RORB: variants seen among roughly 807,000 people sequenced by gnomAD.
RORB encodes the protein nuclear receptor ROR-beta.
In RORB, 6 loss-of-function variants were observed where a neutral mutation model predicts 59.1. The ratio of observed to expected loss-of-function variants is 0.10; its 90% CI spans 0.06 to 0.20. RORB has a LOEUF of 0.20. Among genes scored for constraint, RORB ranks in the 10% least tolerant of loss-of-function variants. The pLI is 1.00. For synonymous variants in RORB, 215 were observed against 204.5 expected (o/e 1.05, Z -0.44); for missense variants, 320 against 560.5 (o/e 0.57, Z 4.33).
intron 1 of RORB, among the ~76,000 whole-genome samples, chr9:74,620,378 C>T (rs1318904413): frequency 1.3e-5 from 2 of 152,108 alleles, no homozygotes; most frequent in Non-Finnish European, 2.9e-5. Flanking sequence ...TCTGTGGGAT[C>T]GGTGGTGATA....
intron 1 of RORB, among the ~76,000 whole-genome samples, chr9:74,536,742 A>G (rs542074827): frequency 6.6e-6 from 1 of 152,166 alleles, no homozygotes; most frequent in Non-Finnish European, 1.5e-5. Context: ...AAAATGTAAG[A>G]AATACAAAAA....
chr9:74,610,428 C>T lies in RORB; in HGVS notation c.8-19854C>T, dbSNP rs529142993. Among the ~76,000 whole-genome samples, 3 of 152,260 alleles carry T rather than the reference C, an allele frequency of 2.0e-5. No individual in the cohort carries two copies. In the South Asian group the frequency reaches 6.2e-4, roughly 32 times the overall value. On this transcript the variant is annotated intron_variant, in intron 1 of 9. Coordinates refer to ENST00000376896, the MANE Select transcript of RORB (RefSeq NM_006914.4). ...TTTCTATTCTCCACTAAAATAGTAT[C>T]CTAGTAATGGTTCAAAGTTATTGAA...
intron 9 of RORB, among the ~76,000 whole-genome samples, chr9:74,683,292 G>A (rs1266892497): frequency 1.3e-5 from 2 of 152,294 alleles, no homozygotes; most frequent in South Asian, 2.1e-4. Flanking sequence ...CCTTCTGTGT[G>A]AGCCAGCTGG....
intron 2 of RORB, among the ~76,000 whole-genome samples, chr9:74,633,363 G>A (rs1823650765): frequency 1.3e-5 from 2 of 152,168 alleles, no homozygotes; most frequent in Non-Finnish European, 2.9e-5. Context: ...AGGGAAGTCA[G>A]GGGATCTATT....
intron 1 of RORB, among the ~76,000 whole-genome samples, chr9:74,564,530 A>G (rs893355848): frequency 1.3e-5 from 2 of 152,232 alleles, no homozygotes; most frequent in Non-Finnish European, 2.9e-5. Context: ...TAGATTGCTG[A>G]AAAGCATTGT....
At chr9:74,676,722 T>A (rs1824449014) in intron 9 of RORB, among the ~76,000 whole-genome samples, 1 of 152,258 alleles carries the variant, frequency 6.6e-6, no homozygotes, top group Admixed American at 6.5e-5. Flanking sequence ...TCTTTCTTCG[T>A]ATTTCTGGCT....
At chr9:74,640,433 C>G (rs918005128) in intron 3 of RORB, among the ~76,000 whole-genome samples, 2 of 148,330 alleles carry the variant, frequency 1.3e-5, no homozygotes, top group East Asian at 2.0e-4. Context: ...TCGGCTAATT[C>G]TGTGTGTGTG....
At position 74,661,253 on chromosome 9, in the gene RORB, T is replaced by A. The variant is rs185269653; in HGVS notation, c.759+515T>A. On this transcript the variant is annotated intron_variant, in intron 5 of 9. Transcript: ENST00000376896. ...ATTACACTGTGTCATTTCTTTGGGT[T>A]TGTTGAAGAAGTTTTTAAGAGGAAT... Among the ~76,000 whole-genome samples the A allele has an allele frequency of 6.9e-4, 105 of 152,348 alleles. 1 individual carries two copies. The highest frequency in any genetic ancestry group is 1.3e-3 in the Non-Finnish European group (87 of 68,036).
At chr9:74,652,036 T>A (rs1189954006) in intron 4 of RORB, among the ~76,000 whole-genome samples, 1 of 152,248 alleles carries the variant, frequency 6.6e-6, no homozygotes, top group Non-Finnish European at 1.5e-5. Flanking sequence ...CTTGTAATTT[T>A]TTCCCTGCTT....
chr9:74,499,870 C>A lies in RORB; in HGVS notation c.7+1887C>A, dbSNP rs553496051. Among the ~76,000 whole-genome samples the A allele has an allele frequency of 2.0e-5, 3 of 152,264 alleles. No homozygotes were observed. The South Asian group carries it at 6.2e-4, about 32-fold the overall frequency. On this transcript the variant is annotated intron_variant, in intron 1 of 9. Coordinates refer to ENST00000376896, the MANE Select transcript of RORB (RefSeq NM_006914.4). ...CGTCGTAAACTATGCGCCACCTCAGCTCGGACCCAGCACTAGGACCTAGGG... is the reference window on the plus strand; with the variant it reads ...CGTCGTAAACTATGCGCCACCTCAGATCGGACCCAGCACTAGGACCTAGGG...
chr9:74,616,619 A>G (rs909576521), intron 1 of RORB, among the ~76,000 whole-genome samples: 19 of 152,182 alleles, frequency 1.2e-4, no homozygotes, highest in African/African-American at 4.1e-4. Context: ...TACTCAGGAT[A>G]TTGTTGCTGC....
At chr9:74,657,683 G>T (rs1245274097) in intron 4 of RORB, among the ~76,000 whole-genome samples, 1 of 152,078 alleles carries the variant, frequency 6.6e-6, no homozygotes, top group African/African-American at 2.4e-5. Flanking sequence ...ATCATGACAT[G>T]AAATTATATT....
At chr9:74,677,817 T>C (rs752196482) in intron 9 of RORB, among the ~76,000 whole-genome samples, 4 of 152,232 alleles carry the variant, frequency 2.6e-5, no homozygotes, top group Non-Finnish European at 4.4e-5. Context: ...AGCTTTCATA[T>C]TGCAAAAGAA....
intron 1 of RORB, among the ~76,000 whole-genome samples, chr9:74,564,615 T>C (rs1822443297): frequency 6.6e-6 from 1 of 152,234 alleles, no homozygotes; most frequent in Admixed American, 6.5e-5. Flanking sequence ...CATTACTTTG[T>C]ATAGCCGACT....
intron 1 of RORB, among the ~76,000 whole-genome samples, chr9:74,599,442 A>G (rs1823021674): frequency 6.6e-6 from 1 of 152,194 alleles, no homozygotes; most frequent in African/African-American, 2.4e-5. Flanking sequence ...ACAAGCCCAC[A>G]GATTTTCTGA....
intron 9 of RORB, among the ~76,000 whole-genome samples, chr9:74,679,653 G>A (rs920049486): frequency 5.3e-5 from 8 of 152,144 alleles, no homozygotes; most frequent in Non-Finnish European, 1.0e-4. Context: ...GAACTCCACT[G>A]AGAAGCTAGA....
intron 4 of RORB, among the ~76,000 whole-genome samples, chr9:74,644,845 C>T (rs933519504): frequency 6.6e-6 from 1 of 151,994 alleles, no homozygotes; most frequent in Non-Finnish European, 1.5e-5. Context: ...ATTTAGCAAC[C>T]ACATTAAATA....
At chr9:74,511,188 T>C (rs1276066090) in intron 1 of RORB, among the ~76,000 whole-genome samples, 1 of 152,172 alleles carries the variant, frequency 6.6e-6, no homozygotes, top group Admixed American at 6.6e-5. Flanking sequence ...TCAATATACG[T>C]CACTGGCATT....
Position 74,541,279 on chromosome 9 carries a change from C to CAAAAAAAAAAAAAAA in RORB, c.7+43309_7+43323dup. 9.0e-4 allele frequency among the ~76,000 whole-genome samples: 39 copies of CAAAAAAAAAAAAAAA among 43,572 alleles called. 1 individual carries two copies. The highest frequency in any genetic ancestry group is 2.7e-3 in the African/African-American group (17 of 6,256). 28.6% of individuals were successfully genotyped at this position (43,572 alleles called of 152,430 possible). A position where few individuals can be genotyped will look rare whatever the true frequency, so the allele number is the denominator to read the frequency against. On this transcript the variant is annotated intron_variant, in intron 1 of 9. Transcript: ENST00000376896. Reference sequence around the variant, plus strand: ...TGGGCAACAGAAAGAGACTCCATCTCAAAAAAAAAAAAAAAAAAAAAAAAA... The same window carrying CAAAAAAAAAAAAAAA: ...TGGGCAACAGAAAGAGACTCCATCTCAAAAAAAAAAAAAAAAAAAAAAAAAAAAAAAAAAAAAAAA...
Sources: allele counts gnomAD v4.1 joint callset (sites outside exome capture counted in the v4.1 genomes callset), GRCh38; gene constraint gnomAD v4.1.1; transcripts MANE v1.5; gene names NCBI Gene and HGNC (gene_info 2026-07-23, HGNC 2026-07-21).